Variants in ZNF600 observed in about 807,000 individuals in gnomAD.
The protein encoded by ZNF600 is zinc finger protein 600, also known as zinc finger protein KR-ZNF1.
ZNF600 carries 4 observed loss-of-function variants against 7.3 expected under a neutral mutation model. That is an observed-to-expected ratio of 0.55 (90% CI 0.27 to 1.25). The LOEUF is 1.25. ZNF600 is among the 50% of genes most tolerant of loss of function. The pLI, the probability that ZNF600 is intolerant of heterozygous loss-of-function variation, is 0.12. For missense variants in ZNF600, 911 were observed against 922.1 expected, an observed-to-expected ratio of 0.99 and a Z score of 0.16; for synonymous variants, 290 against 308.9, an observed-to-expected ratio of 0.94 and a Z score of 0.64.
chr19:52,807,824 T>A, the ZNF600 span: 1 of 1,041,824 alleles, frequency 9.6e-7, no homozygotes, highest in South Asian at 1.6e-5. Context: ...CACTGAGCTA[T>A]CATGAAGAAT....
the ZNF600 span, chr19:52,810,316 A>G: frequency 7.5e-6 from 12 of 1,591,524 alleles, no homozygotes; most frequent in Admixed American, 8.4e-5. Flanking sequence ...CGTTCCATCA[A>G]TGCTGGCAAT....
chr19:52,781,985 C>CT (rs201220013), intron 1 of ZNF600, among the ~76,000 whole-genome samples: 79 of 152,050 alleles, frequency 5.2e-4, no homozygotes, highest in African/African-American at 1.8e-3. Flanking sequence ...CGCTTGACCC[C>CT]GGGAGGCGGA....
exon 4 of ZNF600, chr19:52,767,645 A>C (rs1407365504): frequency 6.2e-7 from 1 of 1,613,806 alleles, no homozygotes; most frequent in Admixed American, 1.7e-5. Flanking sequence ...TTTCTTTCTC[A>C]ATTTCCTGGA....
chr19:52,811,701 A>G, the ZNF600 span, among the ~76,000 whole-genome samples: 1 of 138,788 alleles, frequency 7.2e-6, no homozygotes, highest in Non-Finnish European at 1.5e-5. Context: ...TCCGGCAACC[A>G]CCCCGTCTGG....
the ZNF600 span, among the ~76,000 whole-genome samples, chr19:52,801,854 A>T: frequency 2.6e-5 from 4 of 152,246 alleles, no homozygotes; most frequent in Admixed American, 2.6e-4. Flanking sequence ...AAGATTCTTT[A>T]ATAAATAAAG....
rs529199528 is a variant in ZNF600 at position 52,773,749 on chromosome 19, G to A, written c.190+826C>T. On this transcript the variant is annotated intron_variant, in intron 3 of 3. Transcript: ENST00000648973. The stretch of plus-strand genomic sequence containing the variant: ...TAGCCCGGCATGGTGGTGCATGTCT[G>A]TAATCCCAGCTACTCAGAAGGCTGA... Among the ~76,000 whole-genome samples the A allele has an allele frequency of 7.9e-5, 12 of 152,192 alleles. No individual in the cohort carries two copies. In the South Asian group the frequency reaches 1.5e-3, roughly 18 times the overall value.
chr19:52,815,642 A>G, the ZNF600 span, among the ~76,000 whole-genome samples: 64 of 146,348 alleles, frequency 4.4e-4, 5 homozygotes, highest in Middle Eastern at 3.4e-3. Context: ...GGCTACCACA[A>G]TGAAACCCCA....
chr19:52,816,996 C>T, the ZNF600 span, among the ~76,000 whole-genome samples: 2 of 152,008 alleles, frequency 1.3e-5, no homozygotes, highest in Non-Finnish European at 2.9e-5. Context: ...ACAGTAACAC[C>T]ATAGTCTCCG....
chr19:52,832,354 G>T, the ZNF600 span, among the ~76,000 whole-genome samples: 1 of 152,174 alleles, frequency 6.6e-6, no homozygotes, highest in African/African-American at 2.4e-5. Context: ...CCAGCACTTT[G>T]GGAGGCTAAG....
At chr19:52,765,450 C>A in exon 4 of ZNF600, 1 of 1,305,232 alleles carries the variant, frequency 7.7e-7, no homozygotes, top group South Asian at 1.2e-5. Context: ...ATGAGTGTGT[C>A]AATGAACTGC....
At chr19:52,810,478 G>A in the ZNF600 span, 4 of 1,585,388 alleles carry the variant, frequency 2.5e-6, no homozygotes, top group South Asian at 1.1e-5. Context: ...GGACTTCCTT[G>A]GCCTTGGATG....
rs138191410 is a variant in ZNF600 at position 52,766,706 on chromosome 19, T to C, written c.1257A>G (p.Arg419=). Residue 419 remains arginine (R), a synonymous_variant, in exon 4 of 4, where the codon AGA becomes AGG. Transcript: ENST00000648973. The stretch of plus-strand genomic sequence containing the variant: ...TGTAAGTTTTCTCTCCAGTGTGAAT[T>C]CTTTTATGTCTTGCCAGCTGAGAAT... 1.2e-5 allele frequency: 20 copies of C among 1,613,956 alleles called. No individual in the cohort carries two copies. In the African/African-American group the frequency reaches 2.4e-4, roughly 19 times the overall value.
the ZNF600 span, among the ~76,000 whole-genome samples, chr19:52,793,228 T>C: frequency 1.3e-5 from 2 of 152,184 alleles, no homozygotes; most frequent in South Asian, 4.1e-4. Context: ...CTCCATGTAA[T>C]GTATAAAATT....
At chr19:52,804,317 A>G in the ZNF600 span, among the ~76,000 whole-genome samples, 1 of 152,118 alleles carries the variant, frequency 6.6e-6, no homozygotes, top group East Asian at 1.9e-4. Flanking sequence ...TGTTTTTGAG[A>G]TGGAGTCATG....
At chr19:52,770,937 G>A (rs1045865831) in intron 3 of ZNF600, among the ~76,000 whole-genome samples, 2 of 152,058 alleles carry the variant, frequency 1.3e-5, no homozygotes, top group Admixed American at 6.6e-5. Flanking sequence ...AGGTTCAAGC[G>A]ATTCTCCTGC....
At chr19:52,808,510 G>A in the ZNF600 span, among the ~76,000 whole-genome samples, 1 of 152,000 alleles carries the variant, frequency 6.6e-6, no homozygotes, top group Non-Finnish European at 1.5e-5. Context: ...AGTGACACAT[G>A]TCTGTAATCC....
chr19:52,766,053 G>A, exon 4 of ZNF600: 4 of 1,613,870 alleles, frequency 2.5e-6, no homozygotes, highest in South Asian at 1.1e-5. Context: ...GTGAACAAGG[G>A]ATGGCTTGTG....
At chr19:52,767,592 C>G in exon 4 of ZNF600, 1 of 1,613,912 alleles carries the variant, frequency 6.2e-7, no homozygotes, top group Non-Finnish European at 8.5e-7. Flanking sequence ...TGCTTCATGG[C>G]CATTTCTTTC....
the ZNF600 span, among the ~76,000 whole-genome samples, chr19:52,792,863 G>A: frequency 6.6e-6 from 1 of 151,876 alleles, no homozygotes; most frequent in South Asian, 2.1e-4. Context: ...CTCCCGAGTA[G>A]CTGGGACTAC....
Sources: allele counts gnomAD v4.1 joint callset (sites outside exome capture counted in the v4.1 genomes callset), GRCh38; gene constraint gnomAD v4.1.1; transcripts MANE v1.5; gene names NCBI Gene and HGNC (gene_info 2026-07-23, HGNC 2026-07-21).